The following BAIAP2L1 variants were observed in gnomAD, a reference collection of about 807,000 sequenced individuals.
The protein encoded by BAIAP2L1 is BAR/IMD domain-containing adapter protein 2-like 1.
In BAIAP2L1, 35 loss-of-function variants were observed where a neutral mutation model predicts 66.3. The observed-to-expected ratio is 0.53, with a 90% CI of 0.40 to 0.70. The LOEUF (loss-of-function observed/expected upper bound fraction) is 0.70. BAIAP2L1 is among the 30% of genes least tolerant of loss of function. The pLI is 0.00. For synonymous variants in BAIAP2L1, 269 were observed against 248.7 expected, an observed-to-expected ratio of 1.08 and a Z score of -0.77; for missense variants, 622 against 656.9, an observed-to-expected ratio of 0.95 and a Z score of 0.58.
chr7:98,329,044 A>C (rs961703590), intron 3 of BAIAP2L1, among the ~76,000 whole-genome samples: 1 of 152,204 alleles, frequency 6.6e-6, no homozygotes, highest in African/African-American at 2.4e-5. Context: ...CTATAGTTTA[A>C]GTTGCATCCA....
At chr7:98,299,924 C>G (rs538186260) in intron 12 of BAIAP2L1, among the ~76,000 whole-genome samples, 2 of 152,140 alleles carry the variant, frequency 1.3e-5, no homozygotes, top group Non-Finnish European at 2.9e-5. Flanking sequence ...ACCTGTAGTC[C>G]CAGCTACTTA....
At chr7:98,346,308 T>C (rs913213076) in intron 3 of BAIAP2L1, among the ~76,000 whole-genome samples, 1 of 152,064 alleles carries the variant, frequency 6.6e-6, no homozygotes, top group African/African-American at 2.4e-5. Flanking sequence ...AGAATGAGTC[T>C]ATAAAAAAGG....
At chr7:98,377,557 G>A (rs577410053) in intron 1 of BAIAP2L1, among the ~76,000 whole-genome samples, 23 of 152,132 alleles carry the variant, frequency 1.5e-4, no homozygotes, top group African/African-American at 5.1e-4. Context: ...GGTGGCTCAC[G>A]CCTGTAATCC....
At chr7:98,383,409 G>A (rs1012662871) in intron 1 of BAIAP2L1, among the ~76,000 whole-genome samples, 3 of 150,392 alleles carry the variant, frequency 2.0e-5, no homozygotes, top group African/African-American at 4.9e-5. Context: ...TCAGCCTCCC[G>A]AGCAGCTGGG....
At chr7:98,329,400 G>A (rs1433794118) in intron 3 of BAIAP2L1, among the ~76,000 whole-genome samples, 1 of 152,148 alleles carries the variant, frequency 6.6e-6, no homozygotes, top group Non-Finnish European at 1.5e-5. Flanking sequence ...TGGCATGGAG[G>A]AGTCTGAGAG....
At position 98,307,746 on chromosome 7, in the gene BAIAP2L1, A is replaced by G. The variant is rs999148292; in HGVS notation, c.1106T>C (p.Leu369Pro). The G allele has an allele frequency of 2.5e-6, 4 of 1,614,154 alleles. No individual in the cohort carries two copies. In the African/African-American group the frequency reaches 4.0e-5, roughly 16 times the overall value. ...GCCATCCTTCTCCTCGGGGATGAGC[A>G]GCGTGATGACATCTCCCTGTGCAAA... ...LSFAQGDVITLLIPEEKDGWL... is the reference protein window; with the variant it reads ...LSFAQGDVITPLIPEEKDGWL... The change falls in exon 10 of 14, where the codon CTG becomes CCG. Residue 369 changes from leucine (L) to proline (P), a missense_variant. Coordinates refer to ENST00000005260, the MANE Select transcript of BAIAP2L1 (RefSeq NM_018842.5).
intron 2 of BAIAP2L1, among the ~76,000 whole-genome samples, chr7:98,361,110 A>C (rs1045191104): frequency 6.6e-6 from 1 of 152,126 alleles, no homozygotes; most frequent in Non-Finnish European, 1.5e-5. Context: ...TAATCCTAGC[A>C]CTTTGGGAGG....
intron 2 of BAIAP2L1, 113 bp downstream of exon 2, chr7:98,362,244 G>T: frequency 1.3e-6 from 1 of 776,416 alleles, no homozygotes; most frequent in Non-Finnish European, 2.1e-6. Context: ...AATTCATTGT[G>T]AACAATTTTT....
At chr7:98,323,490 A>G (rs2116912905) in intron 3 of BAIAP2L1, 1 of 152,368 alleles carries the variant, frequency 6.6e-6, no homozygotes, top group African/African-American at 2.4e-5. Flanking sequence ...TTTTTCCCTC[A>G]TACTGTTCTC....
At chr7:98,392,018 TA>T (rs1455024384) in intron 1 of BAIAP2L1, among the ~76,000 whole-genome samples, 7 of 151,884 alleles carry the variant, frequency 4.6e-5, no homozygotes, top group Non-Finnish European at 8.8e-5. Flanking sequence ...TATGTGTTAT[TA>T]AAAAGGAAGT....
chr7:98,350,987 G>C (rs1400616193), intron 3 of BAIAP2L1, among the ~76,000 whole-genome samples: 2 of 152,090 alleles, frequency 1.3e-5, no homozygotes, highest in Admixed American at 6.6e-5. Context: ...CTCTCAAGTA[G>C]CTGGAATTAC....
chr7:98,339,800 G>A (rs935047926), intron 3 of BAIAP2L1, among the ~76,000 whole-genome samples: 2 of 152,180 alleles, frequency 1.3e-5, no homozygotes, highest in African/African-American at 4.8e-5. Flanking sequence ...GCCCAGCATG[G>A]TGCTGTGAAA....
chr7:98,400,827 T>G lies in BAIAP2L1; in HGVS notation c.26A>C (p.Asn9Thr). The stretch of plus-strand genomic sequence containing the variant: ...CCGGTAGGTGCTCTCCGTGAGCCGG[T>G]TCACCTCCTCGGGCCCCCGGGACAT... Reference protein sequence around the residue: MSRGPEEVNRLTESTYRNV... With the variant: MSRGPEEVTRLTESTYRNV... The change falls in exon 1 of 14, where the codon AAC (asparagine) becomes ACC (threonine). Residue 9 changes from asparagine (N) to threonine (T), a missense_variant. Physicochemically the swap from Asn to Thr is moderately conservative, Grantham distance 65. Transcript: ENST00000005260. 6.5e-7 allele frequency: 1 copy of G among 1,547,232 alleles called. No individual in the cohort carries two copies.
chr7:98,378,375 C>T (rs889507758), intron 1 of BAIAP2L1, among the ~76,000 whole-genome samples: 3 of 152,090 alleles, frequency 2.0e-5, no homozygotes, highest in African/African-American at 7.2e-5. Context: ...CATTGAAAGC[C>T]GGGACATTCC....
intron 1 of BAIAP2L1, among the ~76,000 whole-genome samples, chr7:98,372,015 C>T (rs938632945): frequency 1.3e-5 from 2 of 151,912 alleles, no homozygotes; most frequent in Admixed American, 6.6e-5. Flanking sequence ...AGGATGGTCT[C>T]GATCTCCTGA....
intron 1 of BAIAP2L1, among the ~76,000 whole-genome samples, chr7:98,379,987 G>C (rs1802718470): frequency 1.3e-5 from 2 of 152,052 alleles, no homozygotes; most frequent in South Asian, 2.1e-4. Context: ...TGTGGTGACG[G>C]CTGCACAACT....
intron 3 of BAIAP2L1, among the ~76,000 whole-genome samples, chr7:98,331,800 C>T (rs1801501114): frequency 1.3e-5 from 2 of 152,092 alleles, no homozygotes; most frequent in African/African-American, 2.4e-5. Context: ...AGGAAAAGAA[C>T]ACCTTGCTTC....
chr7:98,386,016 G>C (rs1340748394), intron 1 of BAIAP2L1: 27 of 1,382,204 alleles, frequency 2.0e-5, no homozygotes, highest in Non-Finnish European at 2.7e-5. Context: ...TTCCAATGCT[G>C]TCTGGAATCA....
intron 2 of BAIAP2L1, among the ~76,000 whole-genome samples, chr7:98,356,490 G>GATTTT (rs748478537): frequency 6.3e-4 from 96 of 151,878 alleles, no homozygotes; most frequent in Non-Finnish European, 8.1e-4. Flanking sequence ...TAACAAGGTG[G>GATTTT]ATTTTATTTT....
Sources: gnomAD v4.1 joint callset for allele counts (sites outside exome capture counted in the v4.1 genomes callset) on GRCh38, gnomAD v4.1.1 for gene constraint, MANE v1.5 for transcripts, NCBI Gene and HGNC (gene_info 2026-07-23, HGNC 2026-07-21) for gene names.